NRG3: variants seen among roughly 807,000 people sequenced by gnomAD.
NRG3 encodes the protein pro-neuregulin-3, membrane-bound isoform.
Under a neutral mutation model 66.9 loss-of-function variants are expected in NRG3, and 31 were observed. The observed-to-expected ratio is 0.46, with a 90% CI of 0.35 to 0.63. NRG3 has a LOEUF of 0.63. Among genes scored for constraint, NRG3 ranks in the 20% least tolerant of loss-of-function variants. The pLI is 0.00. For missense variants in NRG3, 910 were observed against 878.9 expected (o/e 1.04, Z -0.45); for synonymous variants, 393 against 359.4 (o/e 1.09, Z -1.06).
At chr10:82,952,903 TTAGA>T (rs1849677724) in intron 5 of NRG3, among the ~76,000 whole-genome samples, 1 of 151,980 alleles carries the variant, frequency 6.6e-6, no homozygotes, top group Non-Finnish European at 1.5e-5. Context: ...TTTTAGATAT[TTAGA>T]ACTGTTGCAA....
intron 3 of NRG3, among the ~76,000 whole-genome samples, chr10:82,852,183 A>G (rs1591725069): frequency 6.6e-6 from 1 of 152,152 alleles, no homozygotes; most frequent in East Asian, 1.9e-4. Context: ...GCGTGCTTTA[A>G]CAAAGTAAGA....
chr10:82,534,560 C>A (rs191694318), intron 2 of NRG3, among the ~76,000 whole-genome samples: 2 of 151,868 alleles, frequency 1.3e-5, no homozygotes, highest in South Asian at 2.1e-4. Context: ...CCACTGGGCC[C>A]GGCCAGAAAA....
intron 2 of NRG3, among the ~76,000 whole-genome samples, chr10:82,410,456 T>C (rs1386517230): frequency 1.3e-5 from 2 of 148,584 alleles, no homozygotes; most frequent in Non-Finnish European, 3.0e-5. Flanking sequence ...TATACATATA[T>C]ATATATATGT....
intron 1 of NRG3, among the ~76,000 whole-genome samples, chr10:82,004,253 A>G (rs1428235430): frequency 6.6e-6 from 1 of 152,198 alleles, no homozygotes; most frequent in Admixed American, 6.6e-5. Flanking sequence ...ATACTGGTGT[A>G]TATTGGATTG....
chr10:82,017,741 T>C (rs1161862728), intron 1 of NRG3, among the ~76,000 whole-genome samples: 1 of 152,244 alleles, frequency 6.6e-6, no homozygotes, highest in Non-Finnish European at 1.5e-5. Flanking sequence ...TGTCTTCTTT[T>C]GAGAAGTGTC....
At chr10:82,637,323 A>G (rs1354896587) in intron 2 of NRG3, among the ~76,000 whole-genome samples, 2 of 152,240 alleles carry the variant, frequency 1.3e-5, no homozygotes, top group Non-Finnish European at 2.9e-5. Flanking sequence ...TAAATGACAT[A>G]GAAAAAAGAA....
intron 2 of NRG3, among the ~76,000 whole-genome samples, chr10:82,379,613 T>G (rs941275640): frequency 6.6e-6 from 1 of 152,146 alleles, no homozygotes; most frequent in African/African-American, 2.4e-5. Context: ...AAATATTCAC[T>G]CTTATGAAAT....
intron 4 of NRG3, among the ~76,000 whole-genome samples, chr10:82,893,634 A>G (rs2483302): frequency 0.51 from 77,602 of 151,918 alleles, 20,536 homozygotes; most frequent in East Asian, 0.7. Context: ...GTTGCAGTGA[A>G]CTAAGATCGT....
intron 1 of NRG3, among the ~76,000 whole-genome samples, chr10:82,148,274 G>A (rs1203578017): frequency 1.3e-5 from 2 of 152,068 alleles, no homozygotes; most frequent in Non-Finnish European, 2.9e-5. Context: ...GAGGTGGGAG[G>A]ACTGCTTGAG....
chr10:81,967,153 G>A (rs899621588), intron 1 of NRG3, among the ~76,000 whole-genome samples: 30 of 151,520 alleles, frequency 2.0e-4, no homozygotes, highest in Admixed American at 8.5e-4. Context: ...TATATTTGTA[G>A]CTATAAATTT....
intron 2 of NRG3, among the ~76,000 whole-genome samples, chr10:82,616,030 A>G (rs1017645405): frequency 1.3e-5 from 2 of 152,178 alleles, no homozygotes; most frequent in African/African-American, 4.8e-5. Context: ...TACGCTACAC[A>G]CACAGACAAA....
chr10:82,374,848 G>C (rs1050829075), intron 2 of NRG3, among the ~76,000 whole-genome samples: 1 of 152,100 alleles, frequency 6.6e-6, no homozygotes, highest in Non-Finnish European at 1.5e-5. Flanking sequence ...AAGCTTTCCT[G>C]CATACCCTTG....
At chr10:82,465,498 A>G (rs1395677510) in intron 2 of NRG3, among the ~76,000 whole-genome samples, 1 of 152,154 alleles carries the variant, frequency 6.6e-6, no homozygotes, top group Non-Finnish European at 1.5e-5. Flanking sequence ...TTTCTGTCCC[A>G]CTAATAAGGG....
chr10:81,931,360 A>G (rs934651140), intron 1 of NRG3, among the ~76,000 whole-genome samples: 1 of 152,164 alleles, frequency 6.6e-6, no homozygotes, highest in African/African-American at 2.4e-5. Context: ...GTCTTCCAGG[A>G]ACCAGGTTCA....
chr10:82,107,672 CTA>C (rs1283803131), intron 1 of NRG3, among the ~76,000 whole-genome samples: 1 of 152,048 alleles, frequency 6.6e-6, no homozygotes, highest in Non-Finnish European at 1.5e-5. Flanking sequence ...GATCATTACA[CTA>C]TTGTTGCACG....
intron 2 of NRG3, among the ~76,000 whole-genome samples, chr10:82,377,757 C>A (rs547157349): frequency 6.6e-6 from 1 of 152,284 alleles, no homozygotes; most frequent in Non-Finnish European, 1.5e-5. Flanking sequence ...GAAAGTGAAT[C>A]AGGCTTTCCT....
At chr10:82,622,166 T>C (rs1288248956) in intron 2 of NRG3, among the ~76,000 whole-genome samples, 1 of 152,122 alleles carries the variant, frequency 6.6e-6, no homozygotes, top group East Asian at 1.9e-4. Context: ...ATTTAGAAGC[T>C]AATAAGGACC....
intron 1 of NRG3, among the ~76,000 whole-genome samples, chr10:82,082,844 T>C (rs1018185162): frequency 1.2e-4 from 19 of 152,208 alleles, no homozygotes; most frequent in East Asian, 1.9e-4. Flanking sequence ...GCATTTCTCT[T>C]TTTATTGCAA....
chr10:82,080,840 C>T (rs959020046), intron 1 of NRG3, among the ~76,000 whole-genome samples: 2 of 152,054 alleles, frequency 1.3e-5, no homozygotes, highest in Non-Finnish European at 2.9e-5. Flanking sequence ...CTATCTATAC[C>T]CAAAACTTTT....
Sources: allele counts gnomAD v4.1 joint callset (sites outside exome capture counted in the v4.1 genomes callset), GRCh38; gene constraint gnomAD v4.1.1; transcripts MANE v1.5; gene names NCBI Gene and HGNC (gene_info 2026-07-23, HGNC 2026-07-21).